PROX1: variants seen among roughly 807,000 people sequenced by gnomAD.
PROX1 encodes the protein prospero homeobox protein 1.
PROX1 carries 7 observed loss-of-function variants against 58.8 expected under a neutral mutation model. The observed-to-expected ratio is 0.12, with a 90% CI of 0.07 to 0.22. The LOEUF is 0.22. PROX1 is among the 10% of genes least tolerant of loss of function. The pLI is 1.00. For synonymous variants in PROX1, 350 were observed against 358.3 expected (o/e 0.98, Z 0.26); for missense variants, 675 against 927.8 (o/e 0.73, Z 3.54).
intron 3 of PROX1, among the ~76,000 whole-genome samples, chr1:214,009,340 A>G (rs1471724439): frequency 6.6e-6 from 1 of 152,186 alleles, no homozygotes; most frequent in Non-Finnish European, 1.5e-5. Context: ...ACATTAACAC[A>G]CTACAGAGCT....
intron 2 of PROX1, among the ~76,000 whole-genome samples, chr1:213,999,334 A>G (rs896593384): frequency 2.3e-4 from 35 of 152,174 alleles, no homozygotes; most frequent in African/African-American, 8.4e-4. Flanking sequence ...TTTCTTATAT[A>G]ATAAACAGAT....
chr1:213,998,315 AG>A, intron 2 of PROX1, 55 bp downstream of exon 2: 1 of 1,508,892 alleles, frequency 6.6e-7, no homozygotes, highest in Non-Finnish European at 8.9e-7. Flanking sequence ...GTTTCCCAAA[AG>A]GTTGGGTTTA....
chr1:214,020,030 CT>C lies in PROX1; in HGVS notation c.2028+8322del, dbSNP rs67866176. ...TCCCCACTCCTGACCACCTTTCCTACTTTTTTTCCCCCAAATGAATAGTGAC... is the reference window on the plus strand; with the variant it reads ...TCCCCACTCCTGACCACCTTTCCTACTTTTTTCCCCCAAATGAATAGTGAC... On this transcript the variant is annotated intron_variant, in intron 4 of 4. Coordinates refer to ENST00000366958, the MANE Select transcript of PROX1 (RefSeq NM_001270616.2). Among the ~76,000 whole-genome samples, 394 of 152,208 alleles carry C rather than the reference CT, an allele frequency of 2.6e-3. 2 individuals are homozygous for C. The highest frequency in any genetic ancestry group is 8.4e-3 in the African/African-American group (348 of 41,530).
In PROX1 at chr1:213,998,040, G is replaced by T. The variant is rs1269294198; in HGVS notation, c.1505G>T (p.Gly502Val). 2 of 1,612,042 alleles carry T rather than the reference G, an allele frequency of 1.2e-6. No individual in the cohort carries two copies. The highest frequency in any genetic ancestry group is 2.2e-5 in the East Asian group (1 of 44,840). The change falls in exon 2 of 5, where the codon GGC becomes GTC. Residue 502 changes from glycine to valine, a missense_variant. By Grantham distance (109) the Gly-to-Val change is moderately radical (BLOSUM62 -3). Coordinates refer to ENST00000366958, the MANE Select transcript of PROX1 (RefSeq NM_001270616.2). ...CAGAGCCCATTAGGTGCTCCCTCCG[G>T]CTCCTTCTCTGGAAAAGACAGAGCC... ...PFQSPLGAPS[G>V]SFSGKDRASP...
intron 1 of PROX1, among the ~76,000 whole-genome samples, chr1:213,995,728 C>G (rs1218605835): frequency 6.6e-6 from 1 of 151,990 alleles, no homozygotes; most frequent in Non-Finnish European, 1.5e-5. Flanking sequence ...TATAAATATT[C>G]TTATAGTTAC....
At chr1:213,991,743 T>G (rs1663045188) in intron 1 of PROX1, among the ~76,000 whole-genome samples, 1 of 152,228 alleles carries the variant, frequency 6.6e-6, no homozygotes. Context: ...GACTTCCTCT[T>G]TATTTGTTTA....
chr1:213,997,689 C>T lies in PROX1; in HGVS notation c.1154C>T (p.Pro385Leu), dbSNP rs780607142. The T allele has an allele frequency of 6.8e-6, 11 of 1,613,982 alleles. No individual in the cohort carries two copies. The change falls in exon 2 of 5, where the codon CCT becomes CTT. Residue 385 changes from proline to leucine, a missense_variant. Around this residue, in one of 8 missense-constraint regions of PROX1, gnomAD observed 403 missense variants for 477.4 expected, o/e 0.84. Coordinates refer to ENST00000366958, the MANE Select transcript of PROX1 (RefSeq NM_001270616.2). The surrounding 1 kb of genome is among the most constrained non-coding windows in gnomAD (Gnocchi z 7.1). Reference protein sequence around the residue: ...PSRQVPQVFPPLQIPQARFAV... With the variant: ...PSRQVPQVFPLLQIPQARFAV... ...CGCCAGGTTCCTCAGGTCTTCCCAC[C>T]TCTCCAGATCCCCCAGGCCAGATTT...
intron 2 of PROX1, 68 bp from the exon 3 acceptor site, chr1:214,005,097 A>G: frequency 1.6e-6 from 2 of 1,245,092 alleles, no homozygotes; most frequent in South Asian, 1.2e-5. Context: ...GGAGGTGGGG[A>G]CTGGAGGGAG....
chr1:214,001,116 T>C (rs879334682), intron 2 of PROX1, among the ~76,000 whole-genome samples: 1 of 152,178 alleles, frequency 6.6e-6, no homozygotes. Context: ...GTACCATCTG[T>C]TTTTTGAACA....
chr1:214,033,106 C>T (rs1336996492), intron 4 of PROX1, among the ~76,000 whole-genome samples: 1 of 152,128 alleles, frequency 6.6e-6, no homozygotes, highest in Non-Finnish European at 1.5e-5. Context: ...TTCCCCAGAC[C>T]TCCTGTGCAG....
intron 2 of PROX1, among the ~76,000 whole-genome samples, chr1:213,999,940 CTAA>C (rs1404891279): frequency 6.6e-6 from 1 of 152,086 alleles, no homozygotes; most frequent in African/African-American, 2.4e-5. Flanking sequence ...TCATGTAAGG[CTAA>C]TGTCTAGGGC....
At chr1:214,033,248 G>C (rs1340234820) in intron 4 of PROX1, among the ~76,000 whole-genome samples, 1 of 152,212 alleles carries the variant, frequency 6.6e-6, no homozygotes, top group Non-Finnish European at 1.5e-5. Flanking sequence ...ATTTCACTGA[G>C]GCTGTATTGC....
intron 1 of PROX1, among the ~76,000 whole-genome samples, chr1:213,994,208 A>G (rs1219616843): frequency 6.6e-6 from 1 of 152,222 alleles, no homozygotes; most frequent in Non-Finnish European, 1.5e-5. Context: ...CACAGCAAGG[A>G]TGGCAGGAGG....
intron 4 of PROX1, among the ~76,000 whole-genome samples, chr1:214,014,574 C>T (rs1207160973): frequency 6.6e-6 from 1 of 152,176 alleles, no homozygotes; most frequent in Non-Finnish European, 1.5e-5. Flanking sequence ...CCTAGGCACT[C>T]TTCTAAGTGT....
chr1:213,994,996 T>C (rs995441068), intron 1 of PROX1, among the ~76,000 whole-genome samples: 1 of 151,904 alleles, frequency 6.6e-6, no homozygotes, highest in Non-Finnish European at 1.5e-5. Flanking sequence ...ATTATGCCTA[T>C]TTGCATGGAT....
intron 4 of PROX1, among the ~76,000 whole-genome samples, chr1:214,017,554 G>A (rs1444047775): frequency 1.3e-5 from 2 of 150,658 alleles, no homozygotes; most frequent in Admixed American, 6.7e-5. Context: ...CTACCCTGTG[G>A]CTTTTCTCTC....
At chr1:214,010,848 A>G (rs1258048012) in intron 3 of PROX1, among the ~76,000 whole-genome samples, 2 of 152,238 alleles carry the variant, frequency 1.3e-5, no homozygotes, top group Non-Finnish European at 2.9e-5. Context: ...AGGGAGGGGG[A>G]CATGGGTCTT....
chr1:214,005,064 C>T lies in PROX1; in HGVS notation c.1726-101C>T, dbSNP rs114305625. ...ATACCTTCCAGCACTCCCACCGCAG[C>T]TTGATGGACCCCCAGACTCTATGGA... On this transcript the variant is annotated intron_variant, in intron 2 of 4. Transcript: ENST00000366958. The T allele has an allele frequency of 2.9e-3, 2,604 of 884,694 alleles. 48 individuals are homozygous for T. In the African/African-American group the frequency reaches 0.038, roughly 13 times the overall value. The allele number at this position is 884,694 out of a possible 1,614,324, so 54.8% of individuals were successfully genotyped here.
At chr1:214,003,729 A>C (rs117353249) in intron 2 of PROX1, among the ~76,000 whole-genome samples, 3,989 of 152,368 alleles carry the variant, frequency 0.026, 88 homozygotes, top group East Asian at 0.076. Flanking sequence ...ATTAAAGGGA[A>C]TGTTAATTGA....
Sources: allele counts gnomAD v4.1 joint callset (sites outside exome capture counted in the v4.1 genomes callset), GRCh38; gene constraint gnomAD v4.1.1; regional missense constraint gnomAD v4.1.1; non-coding constraint Gnocchi (gnomAD v3.1); transcripts MANE v1.5; gene names NCBI Gene and HGNC (gene_info 2026-07-23, HGNC 2026-07-21).